The following REL variants were observed in gnomAD, a reference collection of about 807,000 sequenced individuals.
REL encodes REL proto-oncogene, NF-kB subunit, also known as proto-oncogene c-Rel.
A neutral mutation model predicts 45.9 loss-of-function variants in REL; 15 were observed. That is an observed-to-expected ratio of 0.33 (90% CI 0.22 to 0.50). The LOEUF (loss-of-function observed/expected upper bound fraction) is 0.50. Ranked by LOEUF, REL falls within the 20% of genes least tolerant of loss-of-function variation. The pLI is 0.98. For missense variants in REL, 601 were observed against 715.2 expected (o/e 0.84, Z 1.82); for synonymous variants, 239 against 242.1 (o/e 0.99, Z 0.12).
intron 5 of REL, among the ~76,000 whole-genome samples, chr2:60,917,530 G>GTT (rs758484837): frequency 0.018 from 2,316 of 128,658 alleles, 55 homozygotes; most frequent in African/African-American, 0.043. Context: ...TTTTTTATTG[G>GTT]TTTTTTTTTT....
intron 1 of REL, among the ~76,000 whole-genome samples, chr2:60,889,330 T>C (rs995611561): frequency 1.3e-5 from 2 of 152,230 alleles, no homozygotes; most frequent in African/African-American, 4.8e-5. Flanking sequence ...TCCTTCCTTC[T>C]GTAGTCTAAT....
At chr2:60,887,469 G>A (rs1240107848) in intron 1 of REL, among the ~76,000 whole-genome samples, 1 of 151,834 alleles carries the variant, frequency 6.6e-6, no homozygotes, top group Non-Finnish European at 1.5e-5. Flanking sequence ...CTCTGTACAA[G>A]GCACTGATGA....
chr2:60,922,642 T>C lies in REL; in HGVS notation c.*107T>C. ...TACTATATTTATACTGTATATATAA[T>C]ACTGACTGAGAATATAATACTGTAT... On this transcript the variant is annotated 3_prime_UTR_variant, in exon 10 of 10. Coordinates refer to ENST00000394479, the MANE Select transcript of REL (RefSeq NM_001291746.2). 1 of 1,376,812 alleles carries C rather than the reference T, an allele frequency of 7.3e-7. No individual in the cohort carries two copies. Among genetic ancestry groups the C allele is most frequent in the Non-Finnish European group, 9.4e-7 (1 of 1,060,466 alleles). The allele number at this position is 1,376,812 out of a possible 1,614,324, so 85.3% of individuals were successfully genotyped here.
intron 4 of REL, among the ~76,000 whole-genome samples, chr2:60,911,904 A>G (rs1673825729): frequency 6.7e-6 from 1 of 149,984 alleles, no homozygotes. Flanking sequence ...AGGCTGAGGC[A>G]GGAGAATCAC....
rs142437154 is a variant in REL at position 60,898,773 on chromosome 2, A to T, written c.303-2219A>T. The stretch of plus-strand genomic sequence containing the variant: ...TAAAACTTTATTTGCAAAGACAGAC[A>T]AGATGTTGGATTTGGTCCATGAGTT... On this transcript the variant is annotated intron_variant, in intron 3 of 9. Coordinates refer to ENST00000394479, the MANE Select transcript of REL (RefSeq NM_001291746.2). Among the ~76,000 whole-genome samples the T allele has an allele frequency of 4.2e-3, 634 of 152,370 alleles. 3 individuals are homozygous for T. The highest frequency in any genetic ancestry group is 0.018 in the South Asian group (86 of 4,830).
rs1160242441 is a variant in REL, at chr2:60,924,281, C to T, written c.*1746C>T. 1.3e-5 allele frequency: 3 copies of T among 222,224 alleles called. No homozygotes were observed. Among genetic ancestry groups the T allele is most frequent in the Admixed American group, 5.7e-5 (1 of 17,396 alleles). 13.8% of individuals were successfully genotyped at this position (222,224 alleles called of 1,614,324 possible). On this transcript the variant is annotated 3_prime_UTR_variant, in exon 10 of 10. Transcript: ENST00000394479. The stretch of plus-strand genomic sequence containing the variant: ...TCATTTACTGTTTGTTTTCCCATAC[C>T]GAAATATAAACTTTCTAAGGACAGA...
chr2:60,893,633 T>C (rs1200896991), intron 2 of REL, among the ~76,000 whole-genome samples: 1 of 152,208 alleles, frequency 6.6e-6, no homozygotes, highest in Non-Finnish European at 1.5e-5. Flanking sequence ...ATGTAATACT[T>C]CTTGGTTACT....
intron 4 of REL, 68 bp downstream of exon 4, chr2:60,901,151 T>G: frequency 1.7e-6 from 1 of 598,560 alleles, no homozygotes; most frequent in South Asian, 8.4e-5. Flanking sequence ...TTTCTTTCTC[T>G]TTTTTTTTTT....
At chr2:60,891,326 T>G (rs1673205265) in intron 1 of REL, among the ~76,000 whole-genome samples, 1 of 152,202 alleles carries the variant, frequency 6.6e-6, no homozygotes, top group South Asian at 2.1e-4. Flanking sequence ...TTACCCTTCT[T>G]GGGGAATCTT....
At chr2:60,889,106 C>G (rs13422089) in intron 1 of REL, among the ~76,000 whole-genome samples, 33,350 of 150,192 alleles carry the variant, frequency 0.22, 3,812 homozygotes, top group Middle Eastern at 0.36. Context: ...ACTTTTAGTT[C>G]TCTTTTTAAG....
At chr2:60,911,000 G>C (rs541536372) in intron 4 of REL, among the ~76,000 whole-genome samples, 2 of 152,248 alleles carry the variant, frequency 1.3e-5, no homozygotes, top group South Asian at 4.1e-4. Flanking sequence ...TTGTATTATA[G>C]AATGATATGT....
Position 60,922,452 on chromosome 2 carries a change from C to A in REL, c.1681C>A (p.Gln561Lys). 6.2e-7 allele frequency: 1 copy of A among 1,613,844 alleles called. No individual in the cohort carries two copies. Among genetic ancestry groups the A allele is most frequent in the South Asian group, 1.1e-5 (1 of 91,052 alleles). Reference sequence around the variant, plus strand: ...TAATCCAAACAGTCATGGTTTTGTTCAAGATAGTCAGTATTCAGGTATTGG... The same window carrying A: ...TAATCCAAACAGTCATGGTTTTGTTAAAGATAGTCAGTATTCAGGTATTGG... ...STNPNSHGFVQDSQYSGIGSM... is the reference protein window; with the variant it reads ...STNPNSHGFVKDSQYSGIGSM... Residue 561 changes from glutamine (Q) to lysine (K), a missense_variant, in exon 10 of 10, where the codon CAA (glutamine) becomes AAA (lysine). Transcript: ENST00000394479.
rs764077786 is a variant in REL, at chr2:60,930,217, C to T, written c.*7682C>T. 3.3e-5 allele frequency: 5 copies of T among 152,216 alleles called. No homozygotes were observed. Among genetic ancestry groups the T allele is most frequent in the African/African-American group, 4.8e-5 (2 of 41,416 alleles). 9.4% of individuals were successfully genotyped at this position (152,216 alleles called of 1,614,324 possible). On this transcript the variant is annotated 3_prime_UTR_variant, in exon 10 of 10. Transcript: ENST00000394479. Reference sequence around the variant, plus strand: ...AAGAAACACTGTAAATTATATAGTGCGAATCAAATATTGTTAATAAACCAA... The same window carrying T: ...AAGAAACACTGTAAATTATATAGTGTGAATCAAATATTGTTAATAAACCAA...
intron 1 of REL, among the ~76,000 whole-genome samples, chr2:60,887,011 T>C (rs1258391071): frequency 6.6e-6 from 1 of 152,188 alleles, no homozygotes; most frequent in Non-Finnish European, 1.5e-5. Flanking sequence ...TTTGGTGCTT[T>C]TCAAAACTGT....
intron 4 of REL, among the ~76,000 whole-genome samples, chr2:60,914,835 G>GT (rs34572751): frequency 0.31 from 40,353 of 131,096 alleles, 6,439 homozygotes; most frequent in Middle Eastern, 0.49. Flanking sequence ...TTGTTTTTTT[G>GT]TTTTTTTTTT....
intron 4 of REL, among the ~76,000 whole-genome samples, chr2:60,910,802 C>T (rs989142006): frequency 2.6e-5 from 4 of 152,022 alleles, no homozygotes; most frequent in Admixed American, 2.6e-4. Flanking sequence ...CATGGTGGTG[C>T]ATGCCTGTAA....
chr2:60,898,517 C>A (rs761259347), intron 3 of REL, among the ~76,000 whole-genome samples: 1 of 152,184 alleles, frequency 6.6e-6, no homozygotes, highest in Non-Finnish European at 1.5e-5. Flanking sequence ...CCCATAACAT[C>A]ATGTATACCT....
chr2:60,894,324 G>A (rs757091091), intron 2 of REL, 73 bp from the exon 3 acceptor site: 51 of 873,108 alleles, frequency 5.8e-5, no homozygotes, highest in Non-Finnish European at 7.7e-5. Context: ...AATGTAAATT[G>A]AATTCTCATT....
rs1255317533 is a variant in REL at position 60,926,279 on chromosome 2, T to C, written c.*3744T>C. ...AACCTTTCCTACCACTTGGATGCAT[T>C]TGCATCCTGACTTCTGAAATGCCTC... On this transcript the variant is annotated 3_prime_UTR_variant, in exon 10 of 10. Coordinates refer to ENST00000394479, the MANE Select transcript of REL (RefSeq NM_001291746.2). 1 of 231,252 alleles carries C rather than the reference T, an allele frequency of 4.3e-6. No individual in the cohort carries two copies. Among genetic ancestry groups the C allele is most frequent in the African/African-American group, 2.2e-5 (1 of 45,250 alleles). 14.3% of individuals were successfully genotyped at this position (231,252 alleles called of 1,614,324 possible).
Sources: gnomAD v4.1 joint callset for allele counts (sites outside exome capture counted in the v4.1 genomes callset) on GRCh38, gnomAD v4.1.1 for gene constraint, MANE v1.5 for transcripts, NCBI Gene and HGNC (gene_info 2026-07-23, HGNC 2026-07-21) for gene names.